Variants in HNRNPLL observed in about 807,000 individuals in gnomAD.
HNRNPLL encodes the protein heterogeneous nuclear ribonucleoprotein L-like.
In HNRNPLL, 25 loss-of-function variants were observed where a neutral mutation model predicts 67.1. The observed-to-expected ratio is 0.37, with a 90% CI of 0.27 to 0.52. HNRNPLL has a LOEUF of 0.52. Ranked by LOEUF, HNRNPLL falls within the 20% of genes least tolerant of loss-of-function variation. The probability of loss-of-function intolerance (pLI) is 0.90; values close to 1 mark genes in which losing one functional copy is unlikely to be tolerated. For missense variants in HNRNPLL, 542 were observed against 673.9 expected (o/e 0.80, Z 2.17); for synonymous variants, 267 against 241.7 (o/e 1.10, Z -0.97).
chr2:38,602,536 C>T lies in HNRNPLL; in HGVS notation c.91G>A (p.Glu31Lys). Residue 31 changes from glutamate (E) to lysine (K), a missense_variant, in exon 1 of 13, where the codon GAG becomes AAG. Transcript: ENST00000449105. The part of the protein sequence containing the change: ...QAKRLKTEEG[E>K]IDYSAEEGEN... ...CCTTCCTCGGCCGAGTAGTCGATCT[C>T]CCCCTCCTCGGTCTTGAGACGCTTG... 2.6e-6 allele frequency: 4 copies of T among 1,559,076 alleles called. No homozygotes were observed. Among genetic ancestry groups the T allele is most frequent in the Non-Finnish European group, 2.6e-6 (3 of 1,152,346 alleles).
At chr2:38,590,639 C>T (rs149696200) in intron 2 of HNRNPLL, among the ~76,000 whole-genome samples, 147 of 152,254 alleles carry the variant, frequency 9.7e-4, no homozygotes, top group African/African-American at 3.3e-3. Context: ...CTTAAGTATA[C>T]AGCAGCTGTG....
chr2:38,590,082 A>G (rs1367802076), intron 2 of HNRNPLL, among the ~76,000 whole-genome samples: 1 of 152,240 alleles, frequency 6.6e-6, no homozygotes, highest in East Asian at 1.9e-4. Context: ...GATATAATCA[A>G]CTTAGTGATA....
intron 2 of HNRNPLL, among the ~76,000 whole-genome samples, chr2:38,587,955 G>A (rs541634967): frequency 1.3e-5 from 2 of 152,118 alleles, no homozygotes; most frequent in South Asian, 4.1e-4. Context: ...GCCCCTTTGT[G>A]TGCGCGCTCT....
intron 2 of HNRNPLL, among the ~76,000 whole-genome samples, chr2:38,591,155 A>G (rs951889488): frequency 6.6e-6 from 1 of 152,246 alleles, no homozygotes; most frequent in Non-Finnish European, 1.5e-5. Flanking sequence ...AAAAAAATCA[A>G]TATTTAAGCA....
intron 1 of HNRNPLL, among the ~76,000 whole-genome samples, chr2:38,592,119 T>C (rs1026212104): frequency 8.5e-5 from 13 of 152,336 alleles, no homozygotes; most frequent in African/African-American, 3.1e-4. Context: ...AAAATAAATG[T>C]TTGTTTTAAA....
chr2:38,580,893 T>C (rs2278359), intron 6 of HNRNPLL, among the ~76,000 whole-genome samples: 4,265 of 152,302 alleles, frequency 0.028, 83 homozygotes, highest in South Asian at 0.076. Flanking sequence ...AAATTGACAG[T>C]GATAACCTTA....
intron 1 of HNRNPLL, among the ~76,000 whole-genome samples, chr2:38,598,009 A>C (rs1295876216): frequency 2.0e-5 from 3 of 151,840 alleles, no homozygotes; most frequent in South Asian, 4.1e-4. Context: ...TTTTTAAAAA[A>C]CAAACTTTTT....
intron 1 of HNRNPLL, 172 bp downstream of exon 1, chr2:38,602,266 C>A (rs1247644641): frequency 4.9e-6 from 3 of 610,400 alleles, no homozygotes; most frequent in Non-Finnish European, 8.0e-6. Context: ...AGTCGGGATG[C>A]GGGAAACAGG....
chr2:38,565,913 G>T (rs891990866), intron 12 of HNRNPLL: 25 of 556,702 alleles, frequency 4.5e-5, no homozygotes, highest in Admixed American at 6.3e-5. Flanking sequence ...AGTTTTGAAA[G>T]CTAGAATATT....
intron 6 of HNRNPLL, chr2:38,577,791 T>A (rs1449722790): frequency 1.4e-5 from 7 of 486,088 alleles, no homozygotes; most frequent in African/African-American, 5.9e-5. Context: ...ACTTTCAAAT[T>A]TAAGGAAGAA....
chr2:38,598,597 T>C (rs1277545687), intron 1 of HNRNPLL, among the ~76,000 whole-genome samples: 1 of 152,226 alleles, frequency 6.6e-6, no homozygotes, highest in African/African-American at 2.4e-5. Flanking sequence ...ATTTTTTCAC[T>C]ATTATAGCCC....
At chr2:38,579,438 AAATT>A (rs1666433282) in intron 6 of HNRNPLL, among the ~76,000 whole-genome samples, 1 of 151,856 alleles carries the variant, frequency 6.6e-6, no homozygotes, top group Non-Finnish European at 1.5e-5. Flanking sequence ...AATAATTAAA[AAATT>A]AATAATAATT....
chr2:38,588,222 T>C (rs17493594), intron 2 of HNRNPLL, among the ~76,000 whole-genome samples: 20,977 of 152,136 alleles, frequency 0.14, 1,557 homozygotes, highest in Non-Finnish European at 0.15. Context: ...TGGCCTGTTA[T>C]AGACTTAGTA....
intron 7 of HNRNPLL, among the ~76,000 whole-genome samples, chr2:38,574,669 C>T (rs1399951774): frequency 6.6e-6 from 1 of 151,770 alleles, no homozygotes; most frequent in African/African-American, 2.4e-5. Context: ...GTAACACCAC[C>T]ACCAAGCACA....
At chr2:38,587,853 G>C (rs1666794947) in intron 2 of HNRNPLL, among the ~76,000 whole-genome samples, 1 of 152,128 alleles carries the variant, frequency 6.6e-6, no homozygotes, top group Admixed American at 6.5e-5. Flanking sequence ...TGGCTCATGG[G>C]GGTGGTTTCT....
intron 12 of HNRNPLL, chr2:38,565,821 T>C (rs139481787): frequency 6.0e-4 from 96 of 160,176 alleles, no homozygotes; most frequent in African/African-American, 2.2e-3. Flanking sequence ...ATAGGTTTAA[T>C]GAATCCCCAC....
At chr2:38,569,951 T>C in intron 8 of HNRNPLL, 26 bp from the exon 9 acceptor site, 1 of 1,543,930 alleles carries the variant, frequency 6.5e-7, no homozygotes, top group Non-Finnish European at 8.8e-7. Context: ...TCCAAAAAGG[T>C]GACCATTTAA....
chr2:38,581,729 A>C, intron 6 of HNRNPLL, 184 bp downstream of exon 6: 1 of 619,424 alleles, frequency 1.6e-6, no homozygotes, highest in East Asian at 2.7e-5. Context: ...AGCTCAGTAC[A>C]TACCAGTAGG....
chr2:38,602,819 C>T lies in HNRNPLL; in HGVS notation c.-193G>A, dbSNP rs1336503160. On this transcript the variant is annotated 5_prime_UTR_variant, in exon 1 of 13. Transcript: ENST00000449105. ...CGCGGACGGACTGAGGGGGGCGCCCCGGGAGGAAGCTCTGGAGCGGCCGCT... is the reference window on the plus strand; with the variant it reads ...CGCGGACGGACTGAGGGGGGCGCCCTGGGAGGAAGCTCTGGAGCGGCCGCT... 1.9e-6 allele frequency: 3 copies of T among 1,545,720 alleles called. No individual in the cohort carries two copies. Among genetic ancestry groups the T allele is most frequent in the East Asian group, 5.0e-5 (2 of 40,220 alleles).
Sources: gnomAD v4.1 joint callset for allele counts (sites outside exome capture counted in the v4.1 genomes callset) on GRCh38, gnomAD v4.1.1 for gene constraint, MANE v1.5 for transcripts, NCBI Gene and HGNC (gene_info 2026-07-23, HGNC 2026-07-21) for gene names.